FANCD2OS: variants seen among roughly 807,000 people sequenced by gnomAD.
FANCD2OS encodes FANCD2 opposite strand protein.
FANCD2OS carries 11 observed loss-of-function variants against 13.2 expected under a neutral mutation model. The observed-to-expected ratio is 0.83, with a 90% CI of 0.52 to 1.38. The LOEUF is 1.38. Among genes scored for constraint, FANCD2OS ranks in the 40% most tolerant of loss-of-function variants. FANCD2OS has a pLI of 0.00. For synonymous variants in FANCD2OS, 69 were observed against 84.5 expected (o/e 0.82, Z 1.01); for missense variants, 217 against 213.9 (o/e 1.01, Z -0.09).
chr3:10,088,983 A>AAGAT (rs1255024453), intron 2 of FANCD2OS: 1 of 1,612,710 alleles, frequency 6.2e-7, no homozygotes. Context: ...TTTTTCCCTT[A>AAGAT]AGATAGAATC....
chr3:10,089,454 G>A lies in FANCD2OS; in HGVS notation c.*44-7923C>T, dbSNP rs35490742. Among the ~76,000 whole-genome samples, 490 of 152,120 alleles carry A rather than the reference G, an allele frequency of 3.2e-3. 10 individuals are homozygous for A. The South Asian group carries it at 0.039, about 12-fold the overall frequency. On this transcript the variant is annotated intron_variant, in intron 2 of 2. Transcript: ENST00000524279. ...GGCTCTCAGCTAATATATTTGAGAG[G>A]ACCATGGTGGTTTTTGTTTTGTATT...
At chr3:10,101,304 C>G, downstream of FANCD2OS, 1 of 1,423,062 alleles carries the variant, frequency 7.0e-7, no homozygotes, top group Non-Finnish European at 9.9e-7. Context: ...CTCTGCCAGC[C>G]TGTGATCATT....
intron 2 of FANCD2OS, chr3:10,094,889 C>T (rs868428829): frequency 4.8e-6 from 2 of 415,140 alleles, no homozygotes; most frequent in Admixed American, 3.6e-5. Flanking sequence ...TCCCTCACAG[C>T]CCTGAAAGAG....
downstream of FANCD2OS, chr3:10,098,837 G>A (rs1695134060): frequency 1.2e-6 from 2 of 1,614,062 alleles, no homozygotes; most frequent in African/African-American, 2.7e-5. Flanking sequence ...AAACCCACCA[G>A]AGTCTGGCAC....
At chr3:10,089,221 G>A (rs1694430276) in intron 2 of FANCD2OS, among the ~76,000 whole-genome samples, 1 of 151,840 alleles carries the variant, frequency 6.6e-6, no homozygotes, top group African/African-American at 2.4e-5. Context: ...GGAGGCGGAG[G>A]TTGCAGTGAG....
chr3:10,088,440 T>C (rs1694370085), intron 2 of FANCD2OS: 1 of 1,583,510 alleles, frequency 6.3e-7, no homozygotes, highest in African/African-American at 1.3e-5. Context: ...TTGTCTTCTT[T>C]TCTAACAGCT....
At chr3:10,102,594 G>T (rs1695346957), downstream of FANCD2OS, among the ~76,000 whole-genome samples, 1 of 152,022 alleles carries the variant, frequency 6.6e-6, no homozygotes, top group East Asian at 1.9e-4. Flanking sequence ...GGAGGCTGAG[G>T]TGGGTGGATC....
rs1695487908 is a variant in FANCD2OS, at chr3:10,105,992, C to A, written c.-8-1210G>T. On this transcript the variant is annotated intron_variant, in intron 1 of 1. Transcript: ENST00000450660. ...CTTGCATTGTCTATTTTGAGAATTT[C>A]TTATGCTATTCCTTTCAAACAACTC... Among the ~76,000 whole-genome samples the A allele has an allele frequency of 2.6e-5, 4 of 151,560 alleles. 1 individual carries two copies. The South Asian group carries it at 8.3e-4, about 32-fold the overall frequency.
At chr3:10,083,549 G>C (rs1693976751) in intron 2 of FANCD2OS, 1 of 152,096 alleles carries the variant, frequency 6.6e-6, no homozygotes, top group African/African-American at 2.4e-5. Context: ...CCTACCATGT[G>C]ACTCAGCCAT....
chr3:10,108,325 G>C (rs899117663), upstream of FANCD2OS: 4 of 152,046 alleles, frequency 2.6e-5, no homozygotes, highest in South Asian at 2.1e-4. Context: ...GACCCAGGAC[G>C]GCAGGGCAGC....
intron 1 of FANCD2OS, among the ~76,000 whole-genome samples, chr3:10,105,725 TG>T (rs1390988025): frequency 3.2e-5 from 4 of 124,708 alleles, no homozygotes; most frequent in African/African-American, 1.2e-4. Context: ...CACTCCAGCC[TG>T]GGTGAAAGAG....
intron 2 of FANCD2OS, among the ~76,000 whole-genome samples, chr3:10,082,355 G>C (rs1042331960): frequency 6.6e-5 from 10 of 152,090 alleles, no homozygotes; most frequent in South Asian, 4.1e-4. Context: ...CTCTCAACCT[G>C]GACTGGGCTA....
At position 10,108,087 on chromosome 3, in the gene FANCD2OS, A is replaced by T. The variant is rs1234726089; in HGVS notation, c.-81T>A. On this transcript the variant is annotated 5_prime_UTR_variant, in exon 1 of 2. Transcript: ENST00000450660. ...GTAAACGGAGATCCCGAGGGTCTGG[A>T]GCTGCCGAGAGTGCGAGAGGCTCCC... The T allele has an allele frequency of 2.0e-5, 2 of 99,348 alleles. No individual in the cohort carries two copies. Among genetic ancestry groups the T allele is most frequent in the Non-Finnish European group, 4.2e-5 (2 of 47,856 alleles). 6.2% of individuals were successfully genotyped at this position (99,348 alleles called of 1,614,324 possible).
At position 10,081,558 on chromosome 3, in the gene FANCD2OS, T is replaced by G. The variant is rs1231311522; in HGVS notation, c.*44-27A>C. On this transcript the variant is annotated intron_variant, in intron 2 of 2. Coordinates refer to the FANCD2OS transcript ENST00000524279. ...TGAAATGTAGAAAAGAAAGAAAAGGTTCAAAAATCTTATGTGAATATGGTT... is the reference window on the plus strand; with the variant it reads ...TGAAATGTAGAAAAGAAAGAAAAGGGTCAAAAATCTTATGTGAATATGGTT... The G allele has an allele frequency of 4.4e-6, 4 of 900,732 alleles. No individual in the cohort carries two copies. In the African/African-American group the frequency reaches 6.5e-5, roughly 15 times the overall value. 55.8% of individuals were successfully genotyped at this position (900,732 alleles called of 1,614,324 possible).
chr3:10,094,482 G>T, intron 2 of FANCD2OS: 1 of 856,746 alleles, frequency 1.2e-6, no homozygotes, highest in Non-Finnish European at 2.0e-6. Context: ...GTCCACTTCA[G>T]CTGTAGCCAG....
intron 2 of FANCD2OS, among the ~76,000 whole-genome samples, chr3:10,091,849 CTT>C (rs1694631521): frequency 6.6e-6 from 1 of 152,208 alleles, no homozygotes. Flanking sequence ...AATCTCAGCA[CTT>C]TGGGAGGCCG....
chr3:10,083,238 A>T (rs1414053697), intron 2 of FANCD2OS, among the ~76,000 whole-genome samples: 1 of 152,222 alleles, frequency 6.6e-6, no homozygotes, highest in African/African-American at 2.4e-5. Context: ...AAAAAAAAAA[A>T]ATCTGGGCCC....
intron 2 of FANCD2OS, among the ~76,000 whole-genome samples, chr3:10,097,266 G>C (rs377014993): frequency 6.6e-5 from 10 of 152,268 alleles, no homozygotes; most frequent in Admixed American, 1.3e-4. Flanking sequence ...CAGGAGACAG[G>C]GTTTTGAGAT....
At chr3:10,097,765 C>T (rs1185775398) in intron 2 of FANCD2OS, among the ~76,000 whole-genome samples, 2 of 152,152 alleles carry the variant, frequency 1.3e-5, no homozygotes, top group African/African-American at 4.8e-5. Flanking sequence ...AGGGTATTGA[C>T]TGGGGAAGTG....
Sources: gnomAD v4.1 joint callset for allele counts (sites outside exome capture counted in the v4.1 genomes callset) on GRCh38, gnomAD v4.1.1 for gene constraint, MANE v1.5 for transcripts, NCBI Gene and HGNC (gene_info 2026-07-23, HGNC 2026-07-21) for gene names.